Variants in SPOP observed in about 807,000 individuals in gnomAD.
The protein encoded by SPOP is speckle type BTB/POZ protein.
SPOP carries 11 observed loss-of-function variants against 45.6 expected under a neutral mutation model. That is an observed-to-expected ratio of 0.24 (90% CI 0.15 to 0.40). The LOEUF (loss-of-function observed/expected upper bound fraction) is 0.40, where lower values mean the gene tolerates loss of function less well. Ranked by LOEUF, SPOP falls within the 10% of genes least tolerant of loss-of-function variation. SPOP has a pLI of 1.00. For synonymous variants in SPOP, 166 were observed against 166.3 expected, an observed-to-expected ratio of 1.00 and a Z score of 0.01; for missense variants, 152 against 465.6, an observed-to-expected ratio of 0.33 and a Z score of 6.20.
intron 1 of SPOP, among the ~76,000 whole-genome samples, chr17:49,644,049 G>C (rs746829066): frequency 6.6e-6 from 1 of 151,610 alleles, no homozygotes; most frequent in Non-Finnish European, 1.5e-5. Context: ...AATAACATGA[G>C]ACAACAGAAA....
intron 1 of SPOP, among the ~76,000 whole-genome samples, chr17:49,651,285 T>A (rs1567796432): frequency 3.3e-5 from 5 of 152,184 alleles, no homozygotes; most frequent in Non-Finnish European, 7.3e-5. Flanking sequence ...GAAACGATAC[T>A]AGAAACAAAA....
At chr17:49,665,411 A>G (rs985217578) in intron 1 of SPOP, among the ~76,000 whole-genome samples, 15 of 151,764 alleles carry the variant, frequency 9.9e-5, no homozygotes, top group East Asian at 7.8e-4. Flanking sequence ...TCAGGAGATC[A>G]AGATCATCCT....
At chr17:49,661,971 C>A (rs1278610049) in intron 1 of SPOP, among the ~76,000 whole-genome samples, 1 of 143,798 alleles carries the variant, frequency 7.0e-6, no homozygotes, top group African/African-American at 2.6e-5. Flanking sequence ...CGAAATCATG[C>A]CAGTGCACTC....
chr17:49,638,373 G>A (rs537017254), intron 1 of SPOP, among the ~76,000 whole-genome samples: 5 of 152,204 alleles, frequency 3.3e-5, no homozygotes, highest in Admixed American at 6.5e-5. Context: ...GGCGGATCAC[G>A]AGGTCAGGAG....
At chr17:49,617,708 G>C (rs1259681512) in intron 5 of SPOP, among the ~76,000 whole-genome samples, 1 of 152,008 alleles carries the variant, frequency 6.6e-6, no homozygotes, top group Non-Finnish European at 1.5e-5. Flanking sequence ...CGGATCACTT[G>C]AGGTCAGGAG....
At chr17:49,664,253 C>T (rs923811556) in intron 1 of SPOP, among the ~76,000 whole-genome samples, 1 of 152,282 alleles carries the variant, frequency 6.6e-6, no homozygotes, top group East Asian at 1.9e-4. Flanking sequence ...TTTCCAACTA[C>T]ATGTTCTTTC....
At chr17:49,606,281 G>C (rs976146872) in intron 8 of SPOP, among the ~76,000 whole-genome samples, 6 of 151,734 alleles carry the variant, frequency 4.0e-5, no homozygotes, top group Non-Finnish European at 7.4e-5. Flanking sequence ...AGCTTCTCAA[G>C]TAGCTGGGAC....
intron 1 of SPOP, among the ~76,000 whole-genome samples, chr17:49,629,203 C>T (rs2072401639): frequency 6.6e-6 from 1 of 151,936 alleles, no homozygotes; most frequent in African/African-American, 2.4e-5. Context: ...GTTGGTGCCA[C>T]TGCACTCCAG....
intron 5 of SPOP, among the ~76,000 whole-genome samples, chr17:49,616,359 G>T (rs745459056): frequency 3.9e-5 from 6 of 152,138 alleles, no homozygotes; most frequent in Admixed American, 2.0e-4. Flanking sequence ...CTCAGTCAAA[G>T]GCTGAGTGAC....
At chr17:49,641,613 T>A (rs1180052531) in intron 1 of SPOP, among the ~76,000 whole-genome samples, 1 of 151,906 alleles carries the variant, frequency 6.6e-6, no homozygotes, top group African/African-American at 2.4e-5. Context: ...CCCTTGTATG[T>A]CAAATTAACA....
chr17:49,667,699 T>C (rs2073081194), intron 1 of SPOP, among the ~76,000 whole-genome samples: 1 of 152,172 alleles, frequency 6.6e-6, no homozygotes, highest in African/African-American at 2.4e-5. Flanking sequence ...TGGAGTTTCC[T>C]CAAAAAATTA....
chr17:49,619,168 AAC>A lies in SPOP; in HGVS notation c.353-62_353-61del. ...TACGCAAAAACCAGATCAAAGCCAC[AAC>A]TTGTCAGTGTATGAAACTTCTGGAT... is the stretch of plus-strand genomic sequence containing the variant. On this transcript the variant is annotated intron_variant, in intron 4 of 9. Transcript: ENST00000504102. The surrounding 1 kb of genome is among the most constrained non-coding windows in gnomAD (Gnocchi z 4.9). 7 of 1,613,630 alleles carry A rather than the reference AAC, an allele frequency of 4.3e-6. No individual in the cohort carries two copies. The highest frequency in any genetic ancestry group is 5.9e-6 in the Non-Finnish European group (7 of 1,179,856).
chr17:49,649,920 C>T (rs947178642), intron 1 of SPOP, among the ~76,000 whole-genome samples: 2 of 151,980 alleles, frequency 1.3e-5, no homozygotes, highest in African/African-American at 2.4e-5. Flanking sequence ...GACGGAGTTT[C>T]GCTTCTTGTT....
rs556822256 is a variant in SPOP, at chr17:49,599,788, C to T, written c.*590G>A. The T allele has an allele frequency of 2.4e-5, 5 of 206,530 alleles. No individual in the cohort carries two copies. Among genetic ancestry groups the T allele is most frequent in the South Asian group, 1.9e-4 (1 of 5,286 alleles). 12.8% of individuals were successfully genotyped at this position (206,530 alleles called of 1,614,324 possible). On this transcript the variant is annotated 3_prime_UTR_variant, in exon 10 of 10. Coordinates refer to ENST00000504102, the MANE Select transcript of SPOP (RefSeq NM_001007228.2). ...AAAGGATAAAAGGATGTATTCTGTT[C>T]TTGCAAACAATAAGTGCTAACAACA...
At position 49,622,012 on chromosome 17, in the gene SPOP, C is replaced by T. The variant is rs2143295437; in HGVS notation, c.134G>A (p.Arg45Gln). ...TTTAATGACTTCACCCATTTCCTCC[C>T]GGCAAAAGCTAAAGTTATTGATGGT... ...MWTINNFSFC[R>Q]EEMGEVIKSS... The change falls in exon 3 of 10, where the codon CGG (arginine) becomes CAG (glutamine). Residue 45 changes from arginine (R) to glutamine (Q), a missense_variant. Arg to Gln is a conservative substitution (Grantham distance 43). Coordinates refer to ENST00000504102, the MANE Select transcript of SPOP (RefSeq NM_001007228.2). 6.2e-7 allele frequency: 1 copy of T among 1,613,938 alleles called. No homozygotes were observed. The highest frequency in any genetic ancestry group is 8.5e-7 in the Non-Finnish European group (1 of 1,179,902).
intron 1 of SPOP, among the ~76,000 whole-genome samples, chr17:49,641,817 T>C (rs1291921521): frequency 1.3e-5 from 2 of 151,740 alleles, no homozygotes; most frequent in Non-Finnish European, 2.9e-5. Flanking sequence ...AGGTGAGGAG[T>C]TTGAGACCAG....
chr17:49,603,500 GCAGTACTTA>G (rs1296745723), intron 8 of SPOP, among the ~76,000 whole-genome samples: 1 of 152,140 alleles, frequency 6.6e-6, no homozygotes, highest in Non-Finnish European at 1.5e-5. Context: ...CTGCCTAATG[GCAGTACTTA>G]CCCAAGAGAT....
chr17:49,677,603 G>T (rs1018370009), intron 1 of SPOP, among the ~76,000 whole-genome samples: 1 of 151,738 alleles, frequency 6.6e-6, no homozygotes, highest in Middle Eastern at 3.2e-3. Flanking sequence ...GCCCGAGCGC[G>T]TTCACACTCG....
At chr17:49,649,048 C>T (rs940639838) in intron 1 of SPOP, among the ~76,000 whole-genome samples, 3 of 152,058 alleles carry the variant, frequency 2.0e-5, no homozygotes, top group South Asian at 2.1e-4. Flanking sequence ...TGAGCCACCG[C>T]GCCCAGCCTG....
Sources: allele counts gnomAD v4.1 joint callset (sites outside exome capture counted in the v4.1 genomes callset), GRCh38; gene constraint gnomAD v4.1.1; non-coding constraint Gnocchi (gnomAD v3.1); transcripts MANE v1.5; gene names NCBI Gene and HGNC (gene_info 2026-07-23, HGNC 2026-07-21).